The following ANKRD31 variants were observed in gnomAD, a reference collection of about 807,000 sequenced individuals.
The protein encoded by ANKRD31 is ankyrin repeat domain 31.
Under a neutral mutation model 186.0 loss-of-function variants are expected in ANKRD31, and 147 were observed. That is an observed-to-expected ratio of 0.79 (90% confidence interval 0.69 to 0.91). The LOEUF is 0.91. ANKRD31 is among the 40% of genes least tolerant of loss of function. The pLI is 0.00. For synonymous variants in ANKRD31, 673 were observed against 736.4 expected (o/e 0.91, Z 1.39); for missense variants, 1,986 against 2,148.8 (o/e 0.92, Z 1.50).
At chr5:75,173,320 A>G (rs560063293) in intron 10 of ANKRD31, among the ~76,000 whole-genome samples, 6 of 152,134 alleles carry the variant, frequency 3.9e-5, no homozygotes, top group Non-Finnish European at 7.4e-5. Context: ...TTTGTAAACC[A>G]GCACATGATA....
chr5:75,172,077 C>CA (rs983899953), intron 10 of ANKRD31, among the ~76,000 whole-genome samples: 3 of 151,772 alleles, frequency 2.0e-5, no homozygotes, highest in East Asian at 1.9e-4. Context: ...TTATCCCCCT[C>CA]AAAAAAATCA....
intron 6 of ANKRD31, among the ~76,000 whole-genome samples, chr5:75,198,027 G>A (rs1755582961): frequency 6.6e-6 from 1 of 152,154 alleles, no homozygotes; most frequent in Non-Finnish European, 1.5e-5. Flanking sequence ...CAAGAAGACT[G>A]AGAAATGACT....
intron 10 of ANKRD31, among the ~76,000 whole-genome samples, chr5:75,187,110 T>TGTG (rs1754781261): frequency 6.9e-5 from 8 of 116,186 alleles, no homozygotes; most frequent in African/African-American, 2.8e-4. Flanking sequence ...TGATTCTGTT[T>TGTG]TGTGTGTGTG....
chr5:75,190,736 T>C (rs1405230133), intron 9 of ANKRD31, among the ~76,000 whole-genome samples: 1 of 152,042 alleles, frequency 6.6e-6, no homozygotes, highest in Non-Finnish European at 1.5e-5. Context: ...TATTATTATC[T>C]GACATGTAAA....
intron 3 of ANKRD31, among the ~76,000 whole-genome samples, chr5:75,220,642 CAAA>C (rs113439471): frequency 7.3e-6 from 1 of 136,634 alleles, no homozygotes; most frequent in Non-Finnish European, 1.6e-5. Context: ...AACTCCGTCT[CAAA>C]AAAAAAAAAA....
chr5:75,199,053 A>G (rs568120841), intron 6 of ANKRD31, among the ~76,000 whole-genome samples: 142 of 152,286 alleles, frequency 9.3e-4, no homozygotes, highest in African/African-American at 3.1e-3. Flanking sequence ...AATTAAAAGA[A>G]AAAAATCAGC....
chr5:75,147,226 C>G lies in ANKRD31; in HGVS notation c.2185G>C (p.Gly729Arg). 2 of 1,536,194 alleles carry G rather than the reference C, an allele frequency of 1.3e-6. No homozygotes were observed. The highest frequency in any genetic ancestry group is 2.4e-5 in the South Asian group (2 of 84,018). Residue 729 changes from glycine (G) to arginine (R), a missense_variant, in exon 14 of 26, where the codon GGA becomes CGA. Physicochemically the swap from Gly to Arg is moderately radical, Grantham distance 125 (BLOSUM62 -2). Coordinates refer to ENST00000506364, the MANE Select transcript of ANKRD31 (RefSeq NM_001372053.1). ...DPNTNVPKGI[G>R]RRKTQHKRTQ... Reference sequence around the variant, plus strand: ...CTTTTATGTTGTGTTTTTCTTCTTCCTATACCTTTTGGTACGTTTGTGTTG... The same window carrying G: ...CTTTTATGTTGTGTTTTTCTTCTTCGTATACCTTTTGGTACGTTTGTGTTG...
intron 14 of ANKRD31, among the ~76,000 whole-genome samples, chr5:75,145,764 A>G (rs1294002599): frequency 6.6e-6 from 1 of 152,046 alleles, no homozygotes; most frequent in Non-Finnish European, 1.5e-5. Context: ...GTTTATTACC[A>G]TCAGTCAATA....
intron 25 of ANKRD31, 73 bp from the exon 26 acceptor site, chr5:75,068,737 C>A: frequency 2.1e-6 from 3 of 1,395,894 alleles, no homozygotes; most frequent in Non-Finnish European, 2.8e-6. Flanking sequence ...TATTACAAAT[C>A]CTAGAATCCA....
At chr5:75,132,142 G>A (rs1749903716) in intron 17 of ANKRD31, among the ~76,000 whole-genome samples, 1 of 152,230 alleles carries the variant, frequency 6.6e-6, no homozygotes, top group Admixed American at 6.5e-5. Flanking sequence ...GCCAGCAATG[G>A]AGCAAAGATG....
intron 1 of ANKRD31, among the ~76,000 whole-genome samples, chr5:75,232,926 A>AT (rs1263161398): frequency 6.6e-6 from 1 of 152,198 alleles, no homozygotes; most frequent in Non-Finnish European, 1.5e-5. Context: ...ATTCTGTACA[A>AT]ACAGATCTTG....
chr5:75,112,506 T>C lies in ANKRD31; in HGVS notation c.4243+7A>G, dbSNP rs184218845. On this transcript the variant is annotated splice_region_variant and intron_variant, in intron 20 of 25. Coordinates refer to ENST00000506364, the MANE Select transcript of ANKRD31 (RefSeq NM_001372053.1). ...AATATCATACTTGAGTATGAGTCTA[T>C]ATTTACCTGCATCTTCAGGGTTTCT... The C allele has an allele frequency of 1.4e-4, 198 of 1,463,836 alleles. No individual in the cohort carries two copies. The highest frequency in any genetic ancestry group is 9.1e-4 in the Middle Eastern group (5 of 5,504). 90.7% of individuals were successfully genotyped at this position (1,463,836 alleles called of 1,614,324 possible). A position where few individuals can be genotyped will look rare whatever the true frequency, so the allele number is the denominator to read the frequency against.
intron 5 of ANKRD31, among the ~76,000 whole-genome samples, chr5:75,204,657 A>G (rs1756037066): frequency 6.6e-6 from 1 of 152,164 alleles, no homozygotes; most frequent in Non-Finnish European, 1.5e-5. Flanking sequence ...ATTGGATATC[A>G]GGTTAATTTG....
rs538216289 is a variant in ANKRD31, at chr5:75,099,362, T to C, written c.5331+4866A>G. On this transcript the variant is annotated intron_variant, in intron 22 of 25. Transcript: ENST00000506364. ...ATTTTATTGAGGATTTTTGCATCGA[T>C]GTTCATCAGGGATATTGGTCTAAAA... 2.0e-5 allele frequency among the ~76,000 whole-genome samples: 3 copies of C among 152,366 alleles called. No individual in the cohort carries two copies. In the South Asian group the frequency reaches 6.2e-4, roughly 32 times the overall value.
intron 12 of ANKRD31, among the ~76,000 whole-genome samples, chr5:75,152,366 T>C (rs1228399338): frequency 6.6e-6 from 1 of 152,016 alleles, no homozygotes; most frequent in Non-Finnish European, 1.5e-5. Flanking sequence ...TTTTGTTCTA[T>C]TAAGGGAGAA....
At position 75,229,886 on chromosome 5, in the gene ANKRD31, AAC is replaced by A. The variant is rs1268554373; in HGVS notation, c.178+674_178+675del. On this transcript the variant is annotated intron_variant, in intron 2 of 25. Coordinates refer to ENST00000506364, the MANE Select transcript of ANKRD31 (RefSeq NM_001372053.1). ...TCTCAAAAAAAAAAAAAAAAAAAAA[AAC>A]AAAAAAAACATCAATTCCCAGCAAG... Among the ~76,000 whole-genome samples the A allele has an allele frequency of 9.6e-3, 795 of 82,656 alleles. 39 individuals carry two copies. The highest frequency in any genetic ancestry group is 0.028 in the African/African-American group (253 of 8,968). The allele number at this position is 82,656 out of a possible 152,430, so 54.2% of individuals were successfully genotyped here.
At chr5:75,096,844 T>C (rs1009909315) in intron 22 of ANKRD31, among the ~76,000 whole-genome samples, 2 of 134,192 alleles carry the variant, frequency 1.5e-5, no homozygotes, top group African/African-American at 5.7e-5. Flanking sequence ...CCCAGTGTGA[T>C]TTTCCCCACT....
Position 75,153,573 on chromosome 5 carries a change from A to G in ANKRD31, c.1852+628T>C, listed in dbSNP as rs368175489. Among the ~76,000 whole-genome samples the G allele has an allele frequency of 5.9e-5, 9 of 152,236 alleles. No homozygotes were observed. In the East Asian group the frequency reaches 9.7e-4, roughly 16 times the overall value. ...AAAGGGGTTAACCAGTAGGGTGGCC[A>G]GCTGATAACAGGAACTTCTAGGCTA... On this transcript the variant is annotated intron_variant, in intron 12 of 25. Coordinates refer to ENST00000506364, the MANE Select transcript of ANKRD31 (RefSeq NM_001372053.1).
intron 10 of ANKRD31, among the ~76,000 whole-genome samples, chr5:75,176,595 C>T (rs1039166869): frequency 1.3e-5 from 2 of 152,162 alleles, no homozygotes; most frequent in Admixed American, 1.3e-4. Flanking sequence ...TCTTCTGCAG[C>T]CACTGCTGCT....
Sources: allele counts gnomAD v4.1 joint callset (sites outside exome capture counted in the v4.1 genomes callset), GRCh38; gene constraint gnomAD v4.1.1; transcripts MANE v1.5; gene names NCBI Gene and HGNC (gene_info 2026-07-23, HGNC 2026-07-21).